Variants in TNKS observed in about 807,000 individuals in gnomAD.
TNKS encodes poly [ADP-ribose] polymerase tankyrase-1.
TNKS carries 72 observed loss-of-function variants against 135.8 expected under a neutral mutation model. The ratio of observed to expected loss-of-function variants is 0.53; its 90% confidence interval spans 0.44 to 0.64. TNKS has a LOEUF of 0.64. TNKS is among the 30% of genes least tolerant of loss of function. The probability of loss-of-function intolerance (pLI) is 0.00; values close to 1 mark genes in which losing one functional copy is unlikely to be tolerated. For synonymous variants in TNKS, 849 were observed against 649.3 expected (o/e 1.31, Z -4.68); for missense variants, 1,769 against 1,674.0 (o/e 1.06, Z -0.99).
chr8:9,581,361 C>T (rs1221393981), intron 2 of TNKS, among the ~76,000 whole-genome samples: 1 of 152,170 alleles, frequency 6.6e-6, no homozygotes, highest in Non-Finnish European at 1.5e-5. Flanking sequence ...TGAGCATCCA[C>T]TAACATGACC....
intron 2 of TNKS, among the ~76,000 whole-genome samples, chr8:9,597,634 G>GT (rs1798840779): frequency 6.6e-6 from 1 of 151,984 alleles, no homozygotes; most frequent in Admixed American, 6.5e-5. Flanking sequence ...AATAGCAGGG[G>GT]TATCGTGGTT....
At chr8:9,716,267 T>C (rs1254414669) in intron 11 of TNKS, among the ~76,000 whole-genome samples, 1 of 152,164 alleles carries the variant, frequency 6.6e-6, no homozygotes, top group African/African-American at 2.4e-5. Flanking sequence ...AAGAGTTTTA[T>C]TAATGCTTTT....
At chr8:9,662,596 G>A (rs1801773575) in intron 3 of TNKS, among the ~76,000 whole-genome samples, 1 of 152,114 alleles carries the variant, frequency 6.6e-6, no homozygotes, top group Admixed American at 6.5e-5. Context: ...GGACAGTTGT[G>A]TGGTGGGGAT....
chr8:9,646,785 C>G (rs546366995), intron 3 of TNKS, among the ~76,000 whole-genome samples: 8 of 152,060 alleles, frequency 5.3e-5, no homozygotes, highest in Non-Finnish European at 1.2e-4. Context: ...GGTTTTGGTG[C>G]TTTGTTAGGT....
intron 5 of TNKS, among the ~76,000 whole-genome samples, chr8:9,688,893 G>A (rs184729327): frequency 6.6e-6 from 1 of 152,212 alleles, no homozygotes; most frequent in African/African-American, 2.4e-5. Context: ...CACCCACCTC[G>A]GCCTCCCAAA....
At chr8:9,576,533 C>T (rs1205544013) in intron 1 of TNKS, among the ~76,000 whole-genome samples, 2 of 141,352 alleles carry the variant, frequency 1.4e-5, no homozygotes, top group African/African-American at 2.7e-5. Flanking sequence ...TGCAGTGGGG[C>T]GATCTCGGCT....
chr8:9,566,690 G>A (rs982199256), intron 1 of TNKS, among the ~76,000 whole-genome samples: 1 of 140,022 alleles, frequency 7.1e-6, no homozygotes, highest in African/African-American at 2.7e-5. Context: ...CTCACTGCAA[G>A]CTCCGCCTCC....
At chr8:9,685,096 A>G (rs1195071695) in intron 5 of TNKS, among the ~76,000 whole-genome samples, 1 of 152,178 alleles carries the variant, frequency 6.6e-6, no homozygotes, top group Non-Finnish European at 1.5e-5. Flanking sequence ...AACTTTCTGT[A>G]AATATTTGCT....
At chr8:9,747,520 C>G (rs1330479175) in intron 17 of TNKS, among the ~76,000 whole-genome samples, 1 of 152,036 alleles carries the variant, frequency 6.6e-6, no homozygotes, top group Non-Finnish European at 1.5e-5. Flanking sequence ...GTTGCTTTTT[C>G]AAAGGCTAAA....
chr8:9,647,400 G>C (rs1329879455), intron 3 of TNKS, among the ~76,000 whole-genome samples: 1 of 152,158 alleles, frequency 6.6e-6, no homozygotes, highest in Non-Finnish European at 1.5e-5. Flanking sequence ...GCAGTAACTA[G>C]AGAGTGAAAT....
chr8:9,752,944 G>A (rs528989236), intron 20 of TNKS, among the ~76,000 whole-genome samples: 6 of 142,986 alleles, frequency 4.2e-5, no homozygotes, highest in African/African-American at 1.3e-4. Context: ...TAGCTTTGGC[G>A]ACAAAACAAA....
intron 1 of TNKS, chr8:9,575,236 G>A (rs965708908): frequency 2.1e-5 from 10 of 480,176 alleles, no homozygotes; most frequent in Non-Finnish European, 2.7e-5. Flanking sequence ...ACAGGCGCCC[G>A]CCACCACGCA....
intron 3 of TNKS, among the ~76,000 whole-genome samples, chr8:9,629,279 T>A (rs923900516): frequency 3.9e-5 from 6 of 152,226 alleles, no homozygotes; most frequent in Non-Finnish European, 7.3e-5. Flanking sequence ...AGACTCCTAA[T>A]CTTGCCGAGG....
chr8:9,687,335 G>A (rs532643657), intron 5 of TNKS, among the ~76,000 whole-genome samples: 7 of 152,224 alleles, frequency 4.6e-5, no homozygotes, highest in East Asian at 3.9e-4. Flanking sequence ...TCACTTCTTC[G>A]GAGTACGTCT....
At chr8:9,627,645 T>G (rs747294527) in intron 3 of TNKS, among the ~76,000 whole-genome samples, 2 of 150,230 alleles carry the variant, frequency 1.3e-5, no homozygotes, top group Admixed American at 6.6e-5. Context: ...CTGTGTTGAT[T>G]GTGGTGGTGC....
intron 1 of TNKS, among the ~76,000 whole-genome samples, chr8:9,565,085 T>G (rs977822885): frequency 6.6e-6 from 1 of 152,196 alleles, no homozygotes; most frequent in African/African-American, 2.4e-5. Context: ...GCCCGTTGTT[T>G]TTCTTTTAAG....
At chr8:9,644,328 C>T (rs1394399964) in intron 3 of TNKS, among the ~76,000 whole-genome samples, 1 of 152,046 alleles carries the variant, frequency 6.6e-6, no homozygotes, top group Non-Finnish European at 1.5e-5. Context: ...ATTTTTTCAT[C>T]CTTCTGGTTA....
At chr8:9,752,008 G>A (rs1188315153) in intron 19 of TNKS, among the ~76,000 whole-genome samples, 162 bp downstream of exon 19, 1 of 152,152 alleles carries the variant, frequency 6.6e-6, no homozygotes, top group Non-Finnish European at 1.5e-5. Context: ...ATAGAAGGCT[G>A]CCACGTTTCT....
chr8:9,583,035 C>T (rs1021198026), intron 2 of TNKS, among the ~76,000 whole-genome samples: 7 of 151,778 alleles, frequency 4.6e-5, no homozygotes, highest in East Asian at 1.9e-4. Context: ...GGTGTGGTGG[C>T]GGGCACCTAT....
Sources: allele counts gnomAD v4.1 joint callset (sites outside exome capture counted in the v4.1 genomes callset), GRCh38; gene constraint gnomAD v4.1.1; transcripts MANE v1.5; gene names NCBI Gene and HGNC (gene_info 2026-07-23, HGNC 2026-07-21).